STARD13: variants seen among roughly 807,000 people sequenced by gnomAD.
The protein encoded by STARD13 is StAR related lipid transfer domain containing 13.
STARD13 carries 62 observed loss-of-function variants against 106.4 expected under a neutral mutation model. That is an observed-to-expected ratio of 0.58 (90% CI 0.48 to 0.72). The LOEUF is 0.72. STARD13 is among the 30% of genes least tolerant of loss of function. The pLI is 0.00. For synonymous variants in STARD13, 565 were observed against 553.0 expected (o/e 1.02, Z -0.31); for missense variants, 1,387 against 1,424.0 (o/e 0.97, Z 0.42).
chr13:33,223,956 C>T (rs1362725555), intron 1 of STARD13, among the ~76,000 whole-genome samples: 1 of 152,108 alleles, frequency 6.6e-6, no homozygotes, highest in Non-Finnish European at 1.5e-5. Context: ...TAGGAATTCC[C>T]TAGATCACAG....
chr13:33,236,860 A>G (rs1889215994), intron 1 of STARD13, among the ~76,000 whole-genome samples: 1 of 152,236 alleles, frequency 6.6e-6, no homozygotes, highest in African/African-American at 2.4e-5. Context: ...ATTAAATTAC[A>G]GCCATCTTCT....
At chr13:33,593,827 C>T in the STARD13 span, among the ~76,000 whole-genome samples, 1 of 152,154 alleles carries the variant, frequency 6.6e-6, no homozygotes, top group Non-Finnish European at 1.5e-5. Flanking sequence ...GATCAGTCCC[C>T]ATCTCCCTTA....
At chr13:33,606,705 G>A in the STARD13 span, among the ~76,000 whole-genome samples, 5 of 152,348 alleles carry the variant, frequency 3.3e-5, no homozygotes, top group African/African-American at 1.2e-4. Flanking sequence ...TACCACAAAT[G>A]TAGTGGCTTA....
chr13:33,430,920 G>A, the STARD13 span, among the ~76,000 whole-genome samples: 6 of 152,288 alleles, frequency 3.9e-5, no homozygotes, highest in South Asian at 6.2e-4. Flanking sequence ...AAGGATAGAA[G>A]GGAGGTGGAG....
chr13:33,296,905 C>T (rs1422941047), intron 1 of STARD13, among the ~76,000 whole-genome samples: 4 of 152,208 alleles, frequency 2.6e-5, no homozygotes, highest in African/African-American at 9.6e-5. Context: ...AGGCATGAGC[C>T]ACTGCGCCCG....
chr13:33,135,032 T>C (rs1193441099), intron 4 of STARD13, among the ~76,000 whole-genome samples: 2 of 152,248 alleles, frequency 1.3e-5, no homozygotes, highest in Non-Finnish European at 2.9e-5. Context: ...CATTCTGCAC[T>C]GGTCACATAT....
At chr13:33,150,892 G>A (rs141198318) in intron 3 of STARD13, among the ~76,000 whole-genome samples, 2 of 152,288 alleles carry the variant, frequency 1.3e-5, no homozygotes, top group Admixed American at 6.5e-5. Context: ...GCCAAGATTC[G>A]TTCATCCGAC....
At chr13:33,562,508 G>A in the STARD13 span, among the ~76,000 whole-genome samples, 1 of 146,218 alleles carries the variant, frequency 6.8e-6, no homozygotes, top group South Asian at 2.2e-4. Flanking sequence ...GAAATTATAT[G>A]GTAATTTATA....
At chr13:33,200,571 C>T (rs749637004) in intron 1 of STARD13, among the ~76,000 whole-genome samples, 2 of 152,268 alleles carry the variant, frequency 1.3e-5, no homozygotes, top group Admixed American at 6.5e-5. Context: ...TGTTGCCCTA[C>T]TGGGGGACTT....
intron 1 of STARD13, among the ~76,000 whole-genome samples, chr13:33,334,465 G>A (rs1046685160): frequency 2.6e-5 from 4 of 152,128 alleles, no homozygotes; most frequent in African/African-American, 9.7e-5. Context: ...AGTAATGATC[G>A]GGACCTCAGT....
At chr13:33,241,639 T>C (rs1002597517) in intron 1 of STARD13, among the ~76,000 whole-genome samples, 1 of 133,404 alleles carries the variant, frequency 7.5e-6, no homozygotes, top group Non-Finnish European at 1.5e-5. Context: ...GCAACCTCCC[T>C]GCCTGATTCT....
At chr13:33,429,448 T>C in the STARD13 span, among the ~76,000 whole-genome samples, 3 of 151,292 alleles carry the variant, frequency 2.0e-5, no homozygotes, top group South Asian at 6.3e-4. Flanking sequence ...TACAAAAAAT[T>C]AGCTGGGTGT....
chr13:33,557,308 C>T, the STARD13 span, among the ~76,000 whole-genome samples: 393 of 152,142 alleles, frequency 2.6e-3, 1 homozygote, highest in African/African-American at 9.3e-3. Flanking sequence ...AGACTTCACC[C>T]GGGCGATGTA....
chr13:33,469,764 T>C, the STARD13 span, among the ~76,000 whole-genome samples: 3 of 152,142 alleles, frequency 2.0e-5, no homozygotes, highest in Admixed American at 6.6e-5. Context: ...ATACATAGAC[T>C]AATGATAGAA....
At chr13:33,499,588 CTTCTTCTTCTTCTTCT>C in the STARD13 span, among the ~76,000 whole-genome samples, 30 of 65,632 alleles carry the variant, frequency 4.6e-4, no homozygotes, top group Admixed American at 6.8e-4. Context: ...TCTTCTTCTT[CTTCTTCTTCTTCTTCT>C]TTCTTCTTCT....
chr13:33,202,875 G>T (rs927381808), intron 1 of STARD13, among the ~76,000 whole-genome samples: 2 of 152,148 alleles, frequency 1.3e-5, no homozygotes, highest in African/African-American at 4.8e-5. Context: ...CTTTCTGAGA[G>T]GGACCTCTGG....
the STARD13 span, among the ~76,000 whole-genome samples, chr13:33,414,126 ATAT>A: frequency 6.6e-6 from 1 of 152,086 alleles, no homozygotes; most frequent in Non-Finnish European, 1.5e-5. Context: ...CCAAAATGAG[ATAT>A]TATAGCACAC....
the STARD13 span, among the ~76,000 whole-genome samples, chr13:33,605,352 G>A: frequency 2.0e-5 from 3 of 151,496 alleles, no homozygotes; most frequent in East Asian, 1.9e-4. Context: ...CAAAGTGTTG[G>A]AACTACAGGA....
chr13:33,564,055 G>A, the STARD13 span, among the ~76,000 whole-genome samples: 1 of 145,528 alleles, frequency 6.9e-6, no homozygotes, highest in Non-Finnish European at 1.5e-5. Context: ...GCCGGGTGTG[G>A]TGGTGTGCAC....
Sources: allele counts gnomAD v4.1 joint callset (sites outside exome capture counted in the v4.1 genomes callset), GRCh38; gene constraint gnomAD v4.1.1; transcripts MANE v1.5; gene names NCBI Gene and HGNC (gene_info 2026-07-23, HGNC 2026-07-21).